Variants in SPOCK1 observed in about 807,000 individuals in gnomAD.
SPOCK1 encodes the protein testican-1.
SPOCK1 carries 23 observed loss-of-function variants against 55.3 expected under a neutral mutation model. The ratio of observed to expected loss-of-function variants is 0.42; its 90% CI spans 0.30 to 0.59. The LOEUF is 0.59. Ranked by LOEUF, SPOCK1 falls within the 20% of genes least tolerant of loss-of-function variation. The probability of loss-of-function intolerance (pLI) is 0.22; values close to 1 mark genes in which losing one functional copy is unlikely to be tolerated. For missense variants in SPOCK1, 499 were observed against 552.5 expected, an observed-to-expected ratio of 0.90 and a Z score of 0.97; for synonymous variants, 226 against 221.0, an observed-to-expected ratio of 1.02 and a Z score of -0.20.
At chr5:137,159,970 C>T (rs894167494) in intron 3 of SPOCK1, among the ~76,000 whole-genome samples, 6 of 151,994 alleles carry the variant, frequency 3.9e-5, no homozygotes, top group Admixed American at 3.9e-4. Flanking sequence ...GCAAATAAGT[C>T]TTTTTTTCCA....
chr5:137,245,532 A>G (rs753215677), intron 3 of SPOCK1, among the ~76,000 whole-genome samples: 1 of 152,198 alleles, frequency 6.6e-6, no homozygotes, highest in Non-Finnish European at 1.5e-5. Flanking sequence ...TGAAAGCAAA[A>G]TTGAGGGCAA....
At chr5:137,071,308 T>C (rs1752612216) in intron 5 of SPOCK1, among the ~76,000 whole-genome samples, 2 of 152,160 alleles carry the variant, frequency 1.3e-5, no homozygotes, top group South Asian at 4.1e-4. Flanking sequence ...TTCCATTTTT[T>C]ATAAAGCTTA....
intron 2 of SPOCK1, among the ~76,000 whole-genome samples, chr5:137,389,380 T>A (rs1751666454): frequency 6.6e-6 from 1 of 152,234 alleles, no homozygotes; most frequent in African/African-American, 2.4e-5. Flanking sequence ...TTGTATTAAG[T>A]TTTTGACAAT....
rs1343691789 is a variant in SPOCK1 at position 137,066,987 on chromosome 5, C to CACACACACACAGAGAGAG, written c.589+727_589+728insCTCTCTCTGTGTGTGTGT. Among the ~76,000 whole-genome samples, 625 of 139,636 alleles carry CACACACACACAGAGAGAG rather than the reference C, an allele frequency of 4.5e-3. 3 individuals are homozygous for CACACACACACAGAGAGAG. Among genetic ancestry groups the CACACACACACAGAGAGAG allele is most frequent in the Middle Eastern group, 0.011 (3 of 262 alleles). The allele number at this position is 139,636 out of a possible 152,430, so 91.6% of individuals were successfully genotyped here. A position where few individuals can be genotyped will look rare whatever the true frequency, so the allele number is the denominator to read the frequency against. ...ATACACACACACACACACACACACA[C>CACACACACACAGAGAGAG]AGAGAGAGAGAGAGAGAGAGAGAAA... On this transcript the variant is annotated intron_variant, in intron 6 of 10. Coordinates refer to ENST00000394945, the MANE Select transcript of SPOCK1 (RefSeq NM_004598.4).
intron 3 of SPOCK1, among the ~76,000 whole-genome samples, chr5:137,227,129 G>A (rs186149022): frequency 1.3e-5 from 2 of 152,248 alleles, no homozygotes; most frequent in African/African-American, 4.8e-5. Flanking sequence ...AAGCATGCAG[G>A]GAATCAGAAG....
chr5:137,427,979 T>C (rs193280038), intron 2 of SPOCK1, among the ~76,000 whole-genome samples: 201 of 151,814 alleles, frequency 1.3e-3, no homozygotes, highest in Middle Eastern at 0.011. Flanking sequence ...CCAAGTCCTG[T>C]TTCCATGCTC....
At chr5:137,256,869 G>A (rs1398498618) in intron 3 of SPOCK1, among the ~76,000 whole-genome samples, 1 of 152,138 alleles carries the variant, frequency 6.6e-6, no homozygotes, top group African/African-American at 2.4e-5. Context: ...CAGCCCAAAG[G>A]CACATTTACC....
intron 3 of SPOCK1, among the ~76,000 whole-genome samples, chr5:137,261,283 A>G (rs1347891941): frequency 4.6e-5 from 7 of 152,214 alleles, no homozygotes; most frequent in African/African-American, 1.7e-4. Flanking sequence ...CCTTCTATGG[A>G]AGATTTTTAG....
At chr5:137,052,712 A>G (rs1032465534) in intron 6 of SPOCK1, among the ~76,000 whole-genome samples, 2 of 152,214 alleles carry the variant, frequency 1.3e-5, no homozygotes, top group African/African-American at 4.8e-5. Flanking sequence ...TCAGTTTTTA[A>G]AAGAATAATT....
At position 137,335,038 on chromosome 5, in the gene SPOCK1, C is replaced by A. The variant is rs148740973; in HGVS notation, c.187-67983G>T. ...CACATTTACAGAGACAGAAGGCGGA[C>A]CAGCAGTTGCCTGGGGTTAGGGTAC... On this transcript the variant is annotated intron_variant, in intron 2 of 10. Transcript: ENST00000394945. Among the ~76,000 whole-genome samples the A allele has an allele frequency of 5.3e-5, 8 of 152,314 alleles. No individual in the cohort carries two copies. In the East Asian group the frequency reaches 1.5e-3, roughly 29 times the overall value.
chr5:137,271,203 T>A (rs1485260399), intron 2 of SPOCK1, among the ~76,000 whole-genome samples: 1 of 151,786 alleles, frequency 6.6e-6, no homozygotes, highest in Non-Finnish European at 1.5e-5. Context: ...TAAAACTATA[T>A]TTCTCCATTT....
At chr5:137,291,903 C>G (rs937167335) in intron 2 of SPOCK1, among the ~76,000 whole-genome samples, 1 of 152,212 alleles carries the variant, frequency 6.6e-6, no homozygotes, top group Non-Finnish European at 1.5e-5. Flanking sequence ...AAAAACCCTT[C>G]CTGTTTGCAT....
chr5:137,478,072 G>A (rs1340116282), intron 2 of SPOCK1, among the ~76,000 whole-genome samples: 1 of 152,102 alleles, frequency 6.6e-6, no homozygotes, highest in Non-Finnish European at 1.5e-5. Flanking sequence ...GGTTCCTCAG[G>A]TATATAACGG....
chr5:137,156,179 G>A (rs1486176507), intron 3 of SPOCK1, among the ~76,000 whole-genome samples: 4 of 152,142 alleles, frequency 2.6e-5, no homozygotes, highest in Admixed American at 6.6e-5. Flanking sequence ...AACCCTGAGA[G>A]TGGGGAGGGC....
At chr5:137,165,053 C>T (rs942272934) in intron 3 of SPOCK1, among the ~76,000 whole-genome samples, 1 of 152,166 alleles carries the variant, frequency 6.6e-6, no homozygotes, top group Non-Finnish European at 1.5e-5. Context: ...ATTGGGGAGC[C>T]CCAGGACTTT....
intron 2 of SPOCK1, among the ~76,000 whole-genome samples, chr5:137,477,677 C>T (rs1753864438): frequency 6.6e-6 from 1 of 152,176 alleles, no homozygotes; most frequent in Non-Finnish European, 1.5e-5. Context: ...CGCTTCCCCA[C>T]TTACTCTCCA....
chr5:137,142,131 T>C (rs1754110483), intron 3 of SPOCK1, among the ~76,000 whole-genome samples: 1 of 152,150 alleles, frequency 6.6e-6, no homozygotes, highest in South Asian at 2.1e-4. Context: ...CCCCATGTCC[T>C]CCCCATGCAA....
chr5:137,244,861 C>T (rs1258152587), intron 3 of SPOCK1, among the ~76,000 whole-genome samples: 5 of 152,204 alleles, frequency 3.3e-5, no homozygotes, highest in Non-Finnish European at 5.9e-5. Context: ...ACATAAGAAC[C>T]AAAGATCCAA....
chr5:137,039,080 A>G (rs1751939385), intron 6 of SPOCK1, among the ~76,000 whole-genome samples: 1 of 152,276 alleles, frequency 6.6e-6, no homozygotes, highest in South Asian at 2.1e-4. Context: ...GCTGGATCCC[A>G]TTCCAAGTGC....
Sources: allele counts gnomAD v4.1 joint callset (sites outside exome capture counted in the v4.1 genomes callset), GRCh38; gene constraint gnomAD v4.1.1; transcripts MANE v1.5; gene names NCBI Gene and HGNC (gene_info 2026-07-23, HGNC 2026-07-21).